CSMD1: variants seen among roughly 807,000 people sequenced by gnomAD.
The protein encoded by CSMD1 is CUB and sushi domain-containing protein 1.
In CSMD1, 213 loss-of-function variants were observed where a neutral mutation model predicts 417.5. The ratio of observed to expected loss-of-function variants is 0.51; its 90% CI spans 0.46 to 0.57. The LOEUF is 0.57. Ranked by LOEUF, CSMD1 falls within the 20% of genes least tolerant of loss-of-function variation. CSMD1 has a pLI of 0.00. For synonymous variants in CSMD1, 2,862 were observed against 1,736.8 expected (o/e 1.65, Z -16.11); for missense variants, 6,923 against 4,529.7 (o/e 1.53, Z -15.17).
intron 3 of CSMD1, among the ~76,000 whole-genome samples, chr8:4,191,219 AC>A (rs1799009088): frequency 6.6e-6 from 1 of 152,138 alleles, no homozygotes; most frequent in South Asian, 2.1e-4. Context: ...ACATGGTGAA[AC>A]CCCATCTGTA....
intron 4 of CSMD1, among the ~76,000 whole-genome samples, chr8:4,013,127 T>C (rs553469922): frequency 5.9e-5 from 9 of 152,184 alleles, no homozygotes; most frequent in Non-Finnish European, 1.0e-4. Context: ...TCTTCTCGTA[T>C]CCCCCCATTG....
At chr8:4,330,262 C>G (rs1340237984) in intron 3 of CSMD1, among the ~76,000 whole-genome samples, 1 of 125,518 alleles carries the variant, frequency 8.0e-6, no homozygotes, top group Non-Finnish European at 1.9e-5. Context: ...AGGACTCTGT[C>G]TGGTTGTACT....
chr8:4,160,172 A>C (rs1032404398), intron 3 of CSMD1, among the ~76,000 whole-genome samples: 2 of 152,122 alleles, frequency 1.3e-5, no homozygotes, highest in East Asian at 3.9e-4. Context: ...TTTACTGACT[A>C]AGACTTAAGG....
chr8:2,994,425 G>A (rs139659056), intron 54 of CSMD1, among the ~76,000 whole-genome samples: 1 of 152,274 alleles, frequency 6.6e-6, no homozygotes, highest in Non-Finnish European at 1.5e-5. Context: ...TGGTGAGGAC[G>A]CAGGTGCTGA....
chr8:3,023,806 C>G (rs1809634992), intron 51 of CSMD1, among the ~76,000 whole-genome samples: 1 of 149,822 alleles, frequency 6.7e-6, no homozygotes, highest in African/African-American at 2.5e-5. Flanking sequence ...CATTTAATTT[C>G]TGGGAGATCT....
At chr8:3,645,626 G>A (rs1267115998) in intron 7 of CSMD1, among the ~76,000 whole-genome samples, 1 of 152,188 alleles carries the variant, frequency 6.6e-6, no homozygotes, top group Non-Finnish European at 1.5e-5. Flanking sequence ...GGAAGAGTCG[G>A]CCTTCTGCAT....
At chr8:3,642,094 T>C (rs1797336294) in intron 7 of CSMD1, among the ~76,000 whole-genome samples, 1 of 152,040 alleles carries the variant, frequency 6.6e-6, no homozygotes, top group Non-Finnish European at 1.5e-5. Context: ...ATACAGCAGA[T>C]ACAGCCTACA....
At position 4,787,497 on chromosome 8, in the gene CSMD1, G is replaced by A. The variant is rs983475041; in HGVS notation, c.86-149939C>T. ...GCTGCAATCTCAAAGAAAATCACCA[G>A]TTGTATTTTTCAGTTATTATAGGAA... On this transcript the variant is annotated intron_variant, in intron 1 of 69. Transcript: ENST00000635120. The A allele has an allele frequency of 1.3e-5, 12 of 915,974 alleles. No homozygotes were observed. The East Asian group carries it at 2.7e-4, about 21-fold the overall frequency. 56.7% of individuals were successfully genotyped at this position (915,974 alleles called of 1,614,324 possible).
At chr8:3,505,985 A>C (rs1221163226) in intron 10 of CSMD1, among the ~76,000 whole-genome samples, 3 of 152,244 alleles carry the variant, frequency 2.0e-5, no homozygotes, top group Non-Finnish European at 2.9e-5. Flanking sequence ...GAGTGGATAA[A>C]AATACACGTA....
intron 11 of CSMD1, among the ~76,000 whole-genome samples, chr8:3,492,978 G>A (rs1265617855): frequency 6.6e-6 from 1 of 152,174 alleles, no homozygotes; most frequent in African/African-American, 2.4e-5. Flanking sequence ...ACATCACAGG[G>A]AAGCAGAGGA....
chr8:3,659,354 C>G (rs1185336819), intron 7 of CSMD1, among the ~76,000 whole-genome samples: 1 of 152,168 alleles, frequency 6.6e-6, no homozygotes. Flanking sequence ...ACTTGCCAAT[C>G]TAGTTTACTA....
intron 7 of CSMD1, among the ~76,000 whole-genome samples, chr8:3,662,228 G>C (rs1178688481): frequency 1.3e-5 from 2 of 152,198 alleles, no homozygotes; most frequent in Non-Finnish European, 2.9e-5. Flanking sequence ...GGAAAACACA[G>C]TATGTTCAAC....
intron 1 of CSMD1, among the ~76,000 whole-genome samples, chr8:4,687,597 T>C (rs1247946418): frequency 6.6e-6 from 1 of 152,164 alleles, no homozygotes; most frequent in Non-Finnish European, 1.5e-5. Context: ...ACAAGAAAGG[T>C]AGTTACTCTG....
chr8:3,165,969 G>C (rs1249017005), intron 37 of CSMD1, among the ~76,000 whole-genome samples: 3 of 152,022 alleles, frequency 2.0e-5, no homozygotes, highest in African/African-American at 7.3e-5. Flanking sequence ...CTGACCTTTA[G>C]GGGACAGAAG....
intron 1 of CSMD1, chr8:4,787,795 T>A (rs920412151): frequency 1.9e-6 from 3 of 1,574,678 alleles, no homozygotes; most frequent in East Asian, 2.2e-5. Flanking sequence ...CCAGACTGAA[T>A]TGGATATCAT....
At chr8:3,428,291 C>G (rs1241010853) in intron 12 of CSMD1, among the ~76,000 whole-genome samples, 1 of 152,170 alleles carries the variant, frequency 6.6e-6, no homozygotes, top group East Asian at 1.9e-4. Flanking sequence ...GGCTCTGCAG[C>G]CAGAACTGCT....
At chr8:3,465,829 G>C (rs1816763903) in intron 12 of CSMD1, among the ~76,000 whole-genome samples, 1 of 152,228 alleles carries the variant, frequency 6.6e-6, no homozygotes, top group East Asian at 1.9e-4. Flanking sequence ...GTTTGTCTAG[G>C]GTTTGTAGTC....
chr8:4,028,136 G>C (rs879355637), intron 4 of CSMD1, among the ~76,000 whole-genome samples: 2 of 152,090 alleles, frequency 1.3e-5, no homozygotes, highest in East Asian at 1.9e-4. Flanking sequence ...GGAACATGAA[G>C]AGAAAATGAG....
chr8:4,043,029 G>C (rs111790695), intron 3 of CSMD1, among the ~76,000 whole-genome samples: 2 of 152,030 alleles, frequency 1.3e-5, no homozygotes, highest in African/African-American at 4.8e-5. Context: ...CTACTTGGGA[G>C]GTTGAAGCAG....
Sources: gnomAD v4.1 joint callset for allele counts (sites outside exome capture counted in the v4.1 genomes callset) on GRCh38, gnomAD v4.1.1 for gene constraint, MANE v1.5 for transcripts, NCBI Gene and HGNC (gene_info 2026-07-23, HGNC 2026-07-21) for gene names.